The following PRPS1 variants were observed in gnomAD, a reference collection of about 807,000 sequenced individuals.
PRPS1 encodes the protein phosphoribosyl pyrophosphate synthetase 1.
In PRPS1, 1 loss-of-function variant was observed where a neutral mutation model predicts 16.9. The observed-to-expected ratio is 0.06, with a 90% confidence interval of 0.02 to 0.28. The LOEUF (loss-of-function observed/expected upper bound fraction) is 0.28. Among genes scored for constraint, PRPS1 ranks in the 10% least tolerant of loss-of-function variants. The pLI is 1.00. For missense variants in PRPS1, 47 were observed against 254.0 expected (o/e 0.19, Z 5.54); for synonymous variants, 70 against 90.2 (o/e 0.78, Z 1.27).
intron 1 of PRPS1, among the ~76,000 whole-genome samples, chrX:107,637,950 A>ATATATT (rs1411479537): frequency 2.4e-4 from 24 of 98,359 alleles, no homozygotes; most frequent in African/African-American, 9.1e-4. Context: ...ATATATATAT[A>ATATATT]TTTTTTTGAT....
intron 3 of PRPS1, 116 bp downstream of exon 3, chrX:107,641,116 T>C (rs765552257): frequency 1.7e-6 from 2 of 1,191,444 alleles, no homozygotes; most frequent in East Asian, 3.0e-5. Context: ...AAACTAGATA[T>C]CAACAACATT....
chrX:107,646,762 T>C (rs1925704037), intron 5 of PRPS1, among the ~76,000 whole-genome samples: 1 of 112,219 alleles, frequency 8.9e-6, no homozygotes, highest in Admixed American at 9.4e-5. Flanking sequence ...ATTTCAATTT[T>C]GGCCAGCCAG....
In PRPS1 at chrX:107,628,625, C is replaced by T. The variant is rs765129709; in HGVS notation, c.-4C>T. On this transcript the variant is annotated 5_prime_UTR_variant, in exon 1 of 7. Transcript: ENST00000372435. ...TAGTGGAGTGCTTAGGGTAGTTGGC[C>T]AGGATGCCGAATATCAAAATCTTCA... 3 of 1,209,861 alleles carry T rather than the reference C, an allele frequency of 2.5e-6. No homozygotes were observed. In the South Asian group the frequency reaches 5.3e-5, roughly 21 times the overall value.
chrX:107,628,780 C>T (rs367842963), intron 1 of PRPS1, 30 bp downstream of exon 1: 6 of 1,210,925 alleles, frequency 5.0e-6, no homozygotes, highest in South Asian at 3.5e-5. Flanking sequence ...CCTGACTAGA[C>T]CTCACCTGCC....
At chrX:107,641,216 T>C in intron 3 of PRPS1, 1 of 962,315 alleles carries the variant, frequency 1.0e-6, no homozygotes, top group Non-Finnish European at 1.4e-6. Context: ...GGAAGAGCAC[T>C]ACTTTGAATA....
intron 1 of PRPS1, among the ~76,000 whole-genome samples, chrX:107,630,719 G>T (rs1925290161): frequency 1.9e-5 from 2 of 102,703 alleles, no homozygotes; most frequent in African/African-American, 7.6e-5. Context: ...ATCATCCTTG[G>T]CTGTCTGGTT....
chrX:107,641,229 G>T lies in PRPS1; in HGVS notation c.405+229G>T, dbSNP rs1302389273. 1.2e-5 allele frequency: 11 copies of T among 886,716 alleles called. No homozygotes were observed. In the East Asian group the frequency reaches 3.8e-4, roughly 30 times the overall value. 73.1% of individuals were successfully genotyped at this position (886,716 alleles called of 1,213,427 possible). A position where few individuals can be genotyped will look rare whatever the true frequency, so the allele number is the denominator to read the frequency against. On this transcript the variant is annotated intron_variant, in intron 3 of 6. Transcript: ENST00000372435. ...TGGGAAGAGCACTACTTTGAATAAA[G>T]GCTCTGGTATTTACTAGCTTTGTAA...
intron 3 of PRPS1, among the ~76,000 whole-genome samples, chrX:107,642,010 A>C (rs1420213538): frequency 8.9e-6 from 1 of 112,667 alleles, no homozygotes; most frequent in Non-Finnish European, 1.9e-5. Flanking sequence ...ACTCCTTAAC[A>C]AATCAGTCCA....
intron 1 of PRPS1, among the ~76,000 whole-genome samples, chrX:107,634,835 G>GTT (rs781010422): frequency 1.0e-4 from 9 of 87,918 alleles, no homozygotes; most frequent in Non-Finnish European, 1.5e-4. Flanking sequence ...AAAGTTTTTT[G>GTT]TTTTTTTTTT....
rs1057515727 is a variant in PRPS1, at chrX:107,650,570, G to C, written c.*538G>C. 1.4e-5 allele frequency: 4 copies of C among 287,655 alleles called. No homozygotes were observed. Among genetic ancestry groups the C allele is most frequent in the Non-Finnish European group, 2.4e-5 (4 of 167,083 alleles). 23.7% of individuals were successfully genotyped at this position (287,655 alleles called of 1,213,427 possible). ...TGGGTGGGGGGTGGGGGGTGGTTGA[G>C]GGGGGAGGCAGCACAGTGCAGCAAA... is the stretch of plus-strand genomic sequence containing the variant. On this transcript the variant is annotated 3_prime_UTR_variant, in exon 7 of 7. Transcript: ENST00000372435.
chrX:107,634,962 C>G (rs1925399931), intron 1 of PRPS1, among the ~76,000 whole-genome samples: 1 of 109,271 alleles, frequency 9.2e-6, no homozygotes, highest in Non-Finnish European at 1.9e-5. Context: ...GCCTCAGCCT[C>G]CCGAGTAGCT....
intron 6 of PRPS1, 72 bp downstream of exon 6, chrX:107,647,837 T>G: frequency 9.4e-7 from 1 of 1,064,198 alleles, no homozygotes; most frequent in Middle Eastern, 2.5e-4. Context: ...TTGAATTAGG[T>G]CTCTGGATTC....
At chrX:107,638,403 CCTGA>C (rs1925491985) in intron 1 of PRPS1, among the ~76,000 whole-genome samples, 1 of 111,111 alleles carries the variant, frequency 9.0e-6, no homozygotes, top group Non-Finnish European at 1.9e-5. Context: ...GCCACCACAC[CCTGA>C]CTAATTTTTT....
intron 1 of PRPS1, among the ~76,000 whole-genome samples, chrX:107,633,271 A>G (rs947070531): frequency 2.7e-5 from 3 of 109,106 alleles, no homozygotes; most frequent in South Asian, 8.1e-4. Flanking sequence ...AAATACAAAA[A>G]ATTAGCTGGG....
At chrX:107,631,821 G>A (rs1218538996) in intron 1 of PRPS1, among the ~76,000 whole-genome samples, 1 of 111,731 alleles carries the variant, frequency 9.0e-6, no homozygotes, top group Non-Finnish European at 1.9e-5. Context: ...CGAGTAGCTG[G>A]GATTACAGGC....
intron 6 of PRPS1, among the ~76,000 whole-genome samples, chrX:107,648,584 G>A (rs1925755557): frequency 9.2e-6 from 1 of 108,987 alleles, no homozygotes; most frequent in Admixed American, 9.8e-5. Context: ...TAATTTTTTT[G>A]ATATTATGTG....
intron 1 of PRPS1, among the ~76,000 whole-genome samples, chrX:107,635,201 A>G (rs1391085036): frequency 7.1e-5 from 8 of 112,332 alleles, no homozygotes; most frequent in South Asian, 3.7e-4. Context: ...TCTGATATCA[A>G]TTGTCAAACT....
At chrX:107,640,404 A>G (rs1171639356) in intron 2 of PRPS1, among the ~76,000 whole-genome samples, 2 of 110,354 alleles carry the variant, frequency 1.8e-5, no homozygotes, top group Non-Finnish European at 3.8e-5. Flanking sequence ...TGCAGCAAGT[A>G]TGTTTTATTT....
intron 1 of PRPS1, among the ~76,000 whole-genome samples, chrX:107,629,711 C>T (rs1239921550): frequency 1.8e-5 from 2 of 112,090 alleles, no homozygotes; most frequent in Non-Finnish European, 3.8e-5. Flanking sequence ...GCTTCCTCGA[C>T]TCCGACTTAC....
Sources: allele counts gnomAD v4.1 joint callset (sites outside exome capture counted in the v4.1 genomes callset), GRCh38; gene constraint gnomAD v4.1.1; transcripts MANE v1.5; gene names NCBI Gene and HGNC (gene_info 2026-07-23, HGNC 2026-07-21).